The following DPYSL5 variants were observed in gnomAD, a reference collection of about 807,000 sequenced individuals.
The protein encoded by DPYSL5 is dihydropyrimidinase like 5, also known as dihydropyrimidinase-related protein 5.
Under a neutral mutation model 58.4 loss-of-function variants are expected in DPYSL5, and 9 were observed. That is an observed-to-expected ratio of 0.15 (90% CI 0.09 to 0.27). The LOEUF (loss-of-function observed/expected upper bound fraction) is 0.27, where lower values mean the gene tolerates loss of function less well. Ranked by LOEUF, DPYSL5 falls within the 10% of genes least tolerant of loss-of-function variation. The pLI is 1.00. For synonymous variants in DPYSL5, 293 were observed against 301.9 expected, an observed-to-expected ratio of 0.97 and a Z score of 0.31; for missense variants, 499 against 770.6, an observed-to-expected ratio of 0.65 and a Z score of 4.17.
intron 2 of DPYSL5, among the ~76,000 whole-genome samples, chr2:26,916,126 A>G (rs1366903702): frequency 6.7e-6 from 1 of 150,328 alleles, no homozygotes; most frequent in East Asian, 2.0e-4. Flanking sequence ...CAAGCATAAA[A>G]CCTCCCCCGT....
intron 2 of DPYSL5, among the ~76,000 whole-genome samples, chr2:26,903,620 C>A (rs933569084): frequency 6.6e-6 from 1 of 152,128 alleles, no homozygotes. Flanking sequence ...CGACCCTCAC[C>A]TTGTGAGCCA....
intron 1 of DPYSL5, among the ~76,000 whole-genome samples, chr2:26,859,026 G>GT (rs2148108305): frequency 6.6e-6 from 1 of 152,178 alleles, no homozygotes; most frequent in East Asian, 1.9e-4. Context: ...TTACAGAGTT[G>GT]TTACCATGGC....
At chr2:26,889,559 C>T (rs554245192) in intron 1 of DPYSL5, among the ~76,000 whole-genome samples, 3 of 152,058 alleles carry the variant, frequency 2.0e-5, no homozygotes, top group East Asian at 1.9e-4. Context: ...CGTGAGCCAC[C>T]GCGCCCGGCC....
chr2:26,924,843 G>A lies in DPYSL5; in HGVS notation c.262-44G>A, dbSNP rs374981889. Reference sequence around the variant, plus strand: ...TGTCTCACCACATCATTGACTCGGGGGCAGGCAGGGCTGTGACGAGACTGC... The same window carrying A: ...TGTCTCACCACATCATTGACTCGGGAGCAGGCAGGGCTGTGACGAGACTGC... On this transcript the variant is annotated intron_variant, in intron 2 of 12. Coordinates refer to ENST00000288699, the MANE Select transcript of DPYSL5 (RefSeq NM_020134.4). The surrounding 1 kb of genome is among the most constrained non-coding windows in gnomAD (Gnocchi z 4.7). 3.1e-5 allele frequency: 49 copies of A among 1,594,494 alleles called. No homozygotes were observed. Among genetic ancestry groups the A allele is most frequent in the Non-Finnish European group, 4.1e-5 (48 of 1,169,848 alleles).
rs747707582 is a variant in DPYSL5 at position 26,898,768 on chromosome 2, T to C, written c.261+8T>C. The C allele has an allele frequency of 1.3e-6, 2 of 1,596,002 alleles. No homozygotes were observed. Among genetic ancestry groups the C allele is most frequent in the South Asian group, 1.1e-5 (1 of 89,556 alleles). On this transcript the variant is annotated splice_region_variant and intron_variant, in intron 2 of 12. Coordinates refer to ENST00000288699, the MANE Select transcript of DPYSL5 (RefSeq NM_020134.4). This position sits in a 1 kb window ranked among gnomAD's most constrained non-coding sequence, Gnocchi z 6.1. ...TTCTACCATGGGACCAAGGTAATGCTCCTGTTTGCCAAAGGTGGCTTCCTC... is the reference window on the plus strand; with the variant it reads ...TTCTACCATGGGACCAAGGTAATGCCCCTGTTTGCCAAAGGTGGCTTCCTC...
intron 12 of DPYSL5, among the ~76,000 whole-genome samples, chr2:26,945,461 G>A (rs2148179582): frequency 6.6e-6 from 1 of 152,056 alleles, no homozygotes; most frequent in East Asian, 1.9e-4. Context: ...TTCCTTGGGG[G>A]GTGCGATCCC....
chr2:26,931,199 GTGTGTATATATATATATATATATATA>G (rs1221740484), intron 5 of DPYSL5, among the ~76,000 whole-genome samples: 227 of 52,856 alleles, frequency 4.3e-3, no homozygotes, highest in Middle Eastern at 0.024. Flanking sequence ...GTGTGTGTGT[GTGTGTATATATATATATATATATATA>G]TATATGAATT....
At chr2:26,943,795 G>A (rs1373158122) in intron 11 of DPYSL5, among the ~76,000 whole-genome samples, 1 of 152,242 alleles carries the variant, frequency 6.6e-6, no homozygotes, top group African/African-American at 2.4e-5. Flanking sequence ...AACCTAGGCA[G>A]TCTGGTTGTA....
chr2:26,882,052 C>A (rs2148124942), intron 1 of DPYSL5, among the ~76,000 whole-genome samples: 1 of 140,596 alleles, frequency 7.1e-6, no homozygotes, highest in African/African-American at 2.7e-5. Context: ...GATCACACCA[C>A]TGCACTCCAG....
chr2:26,867,063 A>G (rs1666162057), intron 1 of DPYSL5, among the ~76,000 whole-genome samples: 1 of 152,056 alleles, frequency 6.6e-6, no homozygotes, highest in Non-Finnish European at 1.5e-5. Context: ...TTGTCTCATC[A>G]TCTCCTACTA....
intron 1 of DPYSL5, among the ~76,000 whole-genome samples, chr2:26,890,551 T>C (rs1046689607): frequency 1.3e-5 from 2 of 152,256 alleles, no homozygotes; most frequent in East Asian, 1.9e-4. Flanking sequence ...TTCAGCACAA[T>C]TGGGCCTGGA....
At chr2:26,897,797 G>A (rs1229890637) in intron 1 of DPYSL5, among the ~76,000 whole-genome samples, 1 of 152,090 alleles carries the variant, frequency 6.6e-6, no homozygotes, top group Non-Finnish European at 1.5e-5. Flanking sequence ...ACCCAATCTG[G>A]CCCAAATAAA....
intron 11 of DPYSL5, among the ~76,000 whole-genome samples, chr2:26,943,693 C>T (rs1007895069): frequency 2.0e-5 from 3 of 152,208 alleles, no homozygotes; most frequent in Non-Finnish European, 1.5e-5. Context: ...GTCTGCTCTC[C>T]TGCAACTCTC....
chr2:26,940,163 G>A lies in DPYSL5; in HGVS notation c.1080G>A (p.Glu360=). 1 of 1,614,032 alleles carries A rather than the reference G, an allele frequency of 6.2e-7. No homozygotes were observed. The highest frequency in any genetic ancestry group is 1.1e-5 in the South Asian group (1 of 91,068). ...AGGACCGCATGAGCGTCATCTGGGA[G>A]AGAGGAGTGGTATGTTTCCTAGAGC... ...GVQDRMSVIW[E]RGVVGGKMDE... The change falls in exon 9 of 13, where the codon GAG becomes GAA. Residue 360 remains glutamate (E), a synonymous_variant. Transcript: ENST00000288699.
chr2:26,926,718 A>T (rs1360978699), intron 3 of DPYSL5, among the ~76,000 whole-genome samples: 1 of 152,212 alleles, frequency 6.6e-6, no homozygotes, highest in Non-Finnish European at 1.5e-5. Flanking sequence ...TACCAAGTGG[A>T]TGAACCTGAA....
intron 2 of DPYSL5, among the ~76,000 whole-genome samples, chr2:26,909,144 C>G (rs1030330160): frequency 6.6e-6 from 1 of 152,184 alleles, no homozygotes; most frequent in East Asian, 1.9e-4. Context: ...ATTACTGCAG[C>G]CAGCCACATT....
At chr2:26,917,707 T>TCAGGC (rs1157884748) in intron 2 of DPYSL5, among the ~76,000 whole-genome samples, 1 of 152,200 alleles carries the variant, frequency 6.6e-6, no homozygotes, top group Non-Finnish European at 1.5e-5. Context: ...TCCCCCTACA[T>TCAGGC]CAGGCCAGCG....
intron 1 of DPYSL5, among the ~76,000 whole-genome samples, chr2:26,860,425 C>T (rs1665982261): frequency 6.6e-6 from 1 of 152,200 alleles, no homozygotes; most frequent in African/African-American, 2.4e-5. Flanking sequence ...TGTGTTGCTG[C>T]TGAGCTGTCA....
intron 11 of DPYSL5, among the ~76,000 whole-genome samples, chr2:26,943,225 CAG>C (rs1665372462): frequency 6.6e-6 from 1 of 152,282 alleles, no homozygotes; most frequent in Non-Finnish European, 1.5e-5. Flanking sequence ...TGCTGGCACA[CAG>C]AGCACACGAG....
Sources: allele counts gnomAD v4.1 joint callset (sites outside exome capture counted in the v4.1 genomes callset), GRCh38; gene constraint gnomAD v4.1.1; non-coding constraint Gnocchi (gnomAD v3.1); transcripts MANE v1.5; gene names NCBI Gene and HGNC (gene_info 2026-07-23, HGNC 2026-07-21).